Variants in ASNS observed in about 807,000 individuals in gnomAD.
The protein encoded by ASNS is asparagine synthetase (glutamine-hydrolyzing), also known as asparagine synthetase [glutamine-hydrolyzing].
In ASNS, 37 loss-of-function variants were observed where a neutral mutation model predicts 62.6. The observed-to-expected ratio is 0.59, with a 90% CI of 0.45 to 0.78. The LOEUF is 0.78. Ranked by LOEUF, ASNS falls within the 30% of genes least tolerant of loss-of-function variation. The probability of loss-of-function intolerance (pLI) is 0.00; values close to 1 mark genes in which losing one functional copy is unlikely to be tolerated. For missense variants in ASNS, 520 were observed against 682.4 expected (o/e 0.76, Z 2.65); for synonymous variants, 207 against 237.9 (o/e 0.87, Z 1.19).
At chr7:97,909,294 CTTTTTTTT>C in the ASNS span, among the ~76,000 whole-genome samples, 26 of 72,568 alleles carry the variant, frequency 3.6e-4, no homozygotes, top group East Asian at 1.5e-3. Context: ...CTCACATACA[CTTTTTTTT>C]TTTTTTTTTT....
At chr7:97,899,092 A>G in the ASNS span, 4 of 509,020 alleles carry the variant, frequency 7.9e-6, no homozygotes, top group African/African-American at 3.9e-5. Flanking sequence ...GCCACCTTTC[A>G]TAAGGCACTT....
chr7:97,921,807 C>G, the ASNS span, among the ~76,000 whole-genome samples: 1 of 152,216 alleles, frequency 6.6e-6, no homozygotes, highest in Non-Finnish European at 1.5e-5. Flanking sequence ...GCATCCTGCA[C>G]TTCCTTGCAC....
the ASNS span, among the ~76,000 whole-genome samples, chr7:97,896,359 C>T: frequency 4.0e-5 from 6 of 150,648 alleles, no homozygotes; most frequent in South Asian, 6.3e-4. Context: ...GAGGCCAAGG[C>T]GGGTGGATCA....
chr7:97,867,691 T>C (rs1316764144), intron 3 of ASNS, among the ~76,000 whole-genome samples: 1 of 152,226 alleles, frequency 6.6e-6, no homozygotes, highest in East Asian at 1.9e-4. Flanking sequence ...ATTCCATTCT[T>C]GCCTTTCCTT....
At chr7:97,864,134 TA>T in intron 4 of ASNS, 124 bp downstream of exon 4, 1 of 802,386 alleles carries the variant, frequency 1.2e-6, no homozygotes, top group Non-Finnish European at 1.9e-6. Flanking sequence ...TAAAAAAAGG[TA>T]AAGACTCATA....
the ASNS span, among the ~76,000 whole-genome samples, chr7:97,897,619 G>A: frequency 2.7e-4 from 41 of 152,174 alleles, no homozygotes; most frequent in Non-Finnish European, 5.1e-4. Flanking sequence ...ATGCTGGCAA[G>A]CATGTGAAGA....
Position 97,861,473 on chromosome 7 carries a change from T to C in ASNS, c.488-2075A>G, listed in dbSNP as rs564596896. On this transcript the variant is annotated intron_variant, in intron 4 of 12. Coordinates refer to ENST00000394308, the MANE Select transcript of ASNS (RefSeq NM_001673.5). ...ACCCTTGTCAAAAATAAGTTGATCA[T>C]ATATGTATGGGTTCATTTCTGACTC... is the stretch of plus-strand genomic sequence containing the variant. Among the ~76,000 whole-genome samples the C allele has an allele frequency of 3.9e-5, 6 of 152,366 alleles. No homozygotes were observed. In the South Asian group the frequency reaches 6.2e-4, roughly 16 times the overall value.
chr7:97,869,290 C>T (rs1792137578), intron 2 of ASNS, 111 bp from the exon 3 acceptor site: 6 of 1,268,966 alleles, frequency 4.7e-6, no homozygotes. Context: ...AAAATTTAAA[C>T]CATCTTTTCT....
At chr7:97,903,721 G>C in the ASNS span, among the ~76,000 whole-genome samples, 17 of 152,100 alleles carry the variant, frequency 1.1e-4, no homozygotes, top group Admixed American at 9.8e-4. Context: ...TACACATATT[G>C]ATCAGCATTT....
chr7:97,884,902 C>A, the ASNS span, among the ~76,000 whole-genome samples: 1 of 152,146 alleles, frequency 6.6e-6, no homozygotes, highest in Non-Finnish European at 1.5e-5. Flanking sequence ...TCCCACTAAG[C>A]CCTGACAATC....
At chr7:97,868,518 CAT>C (rs1491406320) in intron 3 of ASNS, among the ~76,000 whole-genome samples, 25 of 62,104 alleles carry the variant, frequency 4.0e-4, no homozygotes, top group African/African-American at 1.3e-3. Flanking sequence ...TCAGCAAAAA[CAT>C]GTGTGTGTGT....
chr7:97,865,999 T>A (rs1348955953), intron 3 of ASNS, among the ~76,000 whole-genome samples: 1 of 152,178 alleles, frequency 6.6e-6, no homozygotes, highest in Non-Finnish European at 1.5e-5. Context: ...TAATGTCATG[T>A]CAGTGCTCAA....
chr7:97,906,149 G>T, the ASNS span, among the ~76,000 whole-genome samples: 1 of 152,080 alleles, frequency 6.6e-6, no homozygotes, highest in East Asian at 1.9e-4. Flanking sequence ...CCATGCAGTT[G>T]ATTCCCAGAT....
upstream of ASNS, among the ~76,000 whole-genome samples, chr7:97,874,008 C>T (rs1003102653): frequency 2.0e-5 from 3 of 152,078 alleles, no homozygotes; most frequent in Non-Finnish European, 2.9e-5. Context: ...TGAGATCAAC[C>T]GGTCTGACCA....
chr7:97,926,906 GTC>G, the ASNS span, among the ~76,000 whole-genome samples: 1 of 150,702 alleles, frequency 6.6e-6, no homozygotes, highest in Non-Finnish European at 1.5e-5. Flanking sequence ...GGGTCTGTCT[GTC>G]TCTCTCTCTC....
intron 1 of ASNS, chr7:97,870,186 T>C: frequency 2.1e-6 from 2 of 970,062 alleles, no homozygotes; most frequent in Non-Finnish European, 2.8e-6. Flanking sequence ...ATTTGGGCCC[T>C]GTTTGGCAGT....
chr7:97,854,650 TCTC>T lies in ASNS; in HGVS notation c.1165_1167del (p.Glu389del). The stretch of plus-strand genomic sequence containing the variant: ...TAGAGTTCCCTCAGAAGCCTCTCAC[TCTC>T]CTCCTCGGCTTTTTCAGGAGAAGGA... On this transcript the variant is annotated inframe_deletion, in exon 10 of 13. Transcript: ENST00000394308. 6.2e-7 allele frequency: 1 copy of T among 1,614,108 alleles called. No individual in the cohort carries two copies. Among genetic ancestry groups the T allele is most frequent in the Non-Finnish European group, 8.5e-7 (1 of 1,180,010 alleles).
At chr7:97,856,084 T>C (rs1328554609) in intron 8 of ASNS, among the ~76,000 whole-genome samples, 1 of 152,226 alleles carries the variant, frequency 6.6e-6, no homozygotes, top group Non-Finnish European at 1.5e-5. Flanking sequence ...TCTATCTGCT[T>C]ATTTACTGTG....
In ASNS at chr7:97,859,309, T is replaced by C. The variant is rs1791606296; in HGVS notation, c.577A>G (p.Asn193Asp). Residue 193 changes from asparagine to aspartate, a missense_variant, in exon 5 of 13, where the codon AAT becomes GAT. Transcript: ENST00000394308. ...ATTTCCACGGATGCAACTTTGCCAT[T>C]TGGCTTTAAATCCAAAACTTCATAG... ...GHYEVLDLKP[N>D]GKVASVEMVK... 6.2e-7 allele frequency: 1 copy of C among 1,614,176 alleles called. No individual in the cohort carries two copies. The highest frequency in any genetic ancestry group is 1.1e-5 in the South Asian group (1 of 91,078).
Sources: allele counts gnomAD v4.1 joint callset (sites outside exome capture counted in the v4.1 genomes callset), GRCh38; gene constraint gnomAD v4.1.1; transcripts MANE v1.5; gene names NCBI Gene and HGNC (gene_info 2026-07-23, HGNC 2026-07-21).